PGR: variants seen among roughly 807,000 people sequenced by gnomAD.
The protein encoded by PGR is progesterone receptor.
Under a neutral mutation model 76.1 loss-of-function variants are expected in PGR, and 25 were observed. The ratio of observed to expected loss-of-function variants is 0.33; its 90% CI spans 0.24 to 0.46. The LOEUF is 0.46. PGR is among the 20% of genes least tolerant of loss of function. The pLI is 1.00. For synonymous variants in PGR, 579 were observed against 535.0 expected, an observed-to-expected ratio of 1.08 and a Z score of -1.14; for missense variants, 1,172 against 1,225.3, an observed-to-expected ratio of 0.96 and a Z score of 0.65.
chr11:101,104,544 C>T (rs1336396267), intron 2 of PGR, among the ~76,000 whole-genome samples: 1 of 152,192 alleles, frequency 6.6e-6, no homozygotes. Context: ...ACCAATTTCT[C>T]TTCATTCCGA....
chr11:101,095,494 T>C (rs935545710), intron 2 of PGR, among the ~76,000 whole-genome samples: 14 of 152,238 alleles, frequency 9.2e-5, no homozygotes, highest in African/African-American at 3.1e-4. Context: ...AAGCAACCTT[T>C]GGAGGTATTA....
At position 101,031,927 on chromosome 11, in the gene PGR, T is replaced by G. The variant is rs1053970796; in HGVS notation, c.*7189A>C. The G allele has an allele frequency of 4.3e-6, 1 of 231,454 alleles. No homozygotes were observed. Among genetic ancestry groups the G allele is most frequent in the Non-Finnish European group, 8.5e-6 (1 of 117,000 alleles). The allele number at this position is 231,454 out of a possible 1,614,324, so 14.3% of individuals were successfully genotyped here. ...CTTTCTCATTTTCTGAAACTTGAAC[T>G]GCTCTAGTCTTACCCGTGTGTATAG... On this transcript the variant is annotated 3_prime_UTR_variant, in exon 8 of 8. Coordinates refer to ENST00000325455, the MANE Select transcript of PGR (RefSeq NM_000926.4).
intron 4 of PGR, among the ~76,000 whole-genome samples, chr11:101,056,677 G>C (rs1177091867): frequency 6.7e-6 from 1 of 149,004 alleles, no homozygotes; most frequent in African/African-American, 2.5e-5. Flanking sequence ...CTGTATGACA[G>C]TACTACTAAG....
At chr11:101,116,893 T>G (rs1862531582) in intron 2 of PGR, among the ~76,000 whole-genome samples, 1 of 152,166 alleles carries the variant, frequency 6.6e-6, no homozygotes, top group Non-Finnish European at 1.5e-5. Flanking sequence ...ATGATATTGT[T>G]CCTTGCTTTT....
At chr11:101,097,644 C>T (rs745314641) in intron 2 of PGR, among the ~76,000 whole-genome samples, 8 of 152,106 alleles carry the variant, frequency 5.3e-5, no homozygotes, top group Non-Finnish European at 1.2e-4. Context: ...TAAATAGTCA[C>T]TTGCTTCTGA....
intron 7 of PGR, among the ~76,000 whole-genome samples, chr11:101,041,093 A>T (rs1018866247): frequency 3.7e-5 from 5 of 134,584 alleles, no homozygotes; most frequent in Admixed American, 2.3e-4. Context: ...TATCATTCTT[A>T]TTTCTCTGAG....
At chr11:101,102,470 C>A (rs868226266) in intron 2 of PGR, among the ~76,000 whole-genome samples, 2 of 152,120 alleles carry the variant, frequency 1.3e-5, no homozygotes, top group South Asian at 4.1e-4. Context: ...TCTGAAGATG[C>A]ATGCAGAATG....
At chr11:101,122,147 C>T (rs1160493196) in intron 2 of PGR, among the ~76,000 whole-genome samples, 15 of 82,768 alleles carry the variant, frequency 1.8e-4, no homozygotes, top group Non-Finnish European at 3.3e-4. Flanking sequence ...AGCGAGACTC[C>T]GTCTCAAAAA....
At chr11:101,097,928 C>T (rs1179261406) in intron 2 of PGR, among the ~76,000 whole-genome samples, 1 of 151,976 alleles carries the variant, frequency 6.6e-6, no homozygotes, top group Non-Finnish European at 1.5e-5. Context: ...AGGCGCCCAC[C>T]ACCACGTCTG....
At chr11:101,057,550 A>T (rs1484083598) in intron 4 of PGR, among the ~76,000 whole-genome samples, 1 of 152,188 alleles carries the variant, frequency 6.6e-6, no homozygotes, top group Non-Finnish European at 1.5e-5. Flanking sequence ...ATAGAGGATC[A>T]TTTGGGCACC....
chr11:101,114,791 C>T (rs932050785), intron 2 of PGR, among the ~76,000 whole-genome samples: 3 of 152,118 alleles, frequency 2.0e-5, no homozygotes, highest in Non-Finnish European at 4.4e-5. Context: ...GTCCTTAGTG[C>T]ACCATCCCCA....
intron 3 of PGR, among the ~76,000 whole-genome samples, chr11:101,083,139 G>C (rs1861364752): frequency 6.6e-6 from 1 of 152,210 alleles, no homozygotes; most frequent in Non-Finnish European, 1.5e-5. Context: ...GCTAAAAGGG[G>C]CCAAGGTACA....
Position 101,054,448 on chromosome 11 carries a change from A to G in PGR, c.2213-2880T>C, listed in dbSNP as rs147360631. On this transcript the variant is annotated intron_variant, in intron 4 of 7. Transcript: ENST00000325455. ...AGAAAATTATAAAGCTCAATACAAT[A>G]AATCTAATACATAAATGCTGCTTGT... is the stretch of plus-strand genomic sequence containing the variant. Among the ~76,000 whole-genome samples, 940 of 152,324 alleles carry G rather than the reference A, an allele frequency of 6.2e-3. 12 individuals carry two copies. The highest frequency in any genetic ancestry group is 0.021 in the African/African-American group (887 of 41,584).
chr11:101,058,631 A>G (rs1417323096), intron 4 of PGR, among the ~76,000 whole-genome samples: 1 of 152,252 alleles, frequency 6.6e-6, no homozygotes, highest in Non-Finnish European at 1.5e-5. Context: ...AAATATCAAG[A>G]CAAAATTTAT....
intron 4 of PGR, among the ~76,000 whole-genome samples, chr11:101,059,842 CAAAAAA>C (rs781123527): frequency 8.0e-5 from 5 of 62,808 alleles, no homozygotes; most frequent in Non-Finnish European, 1.6e-4. Context: ...GACCCTCTCT[CAAAAAA>C]AAAAAAAAAA....
At chr11:101,066,494 G>C (rs1231268018) in intron 3 of PGR, among the ~76,000 whole-genome samples, 5 of 152,076 alleles carry the variant, frequency 3.3e-5, no homozygotes, top group Admixed American at 3.3e-4. Context: ...TCTGCATCTA[G>C]TTCTATGTCT....
intron 4 of PGR, among the ~76,000 whole-genome samples, chr11:101,054,849 C>G (rs997609678): frequency 6.6e-6 from 1 of 152,018 alleles, no homozygotes; most frequent in African/African-American, 2.4e-5. Context: ...ATTGGTCTAT[C>G]AATGCAACAG....
chr11:101,128,112 G>T lies in PGR; in HGVS notation c.959C>A (p.Thr320Asn), dbSNP rs774235489. The change falls in exon 1 of 8, where the codon ACT (threonine) becomes AAT (asparagine). Residue 320 changes from threonine to asparagine, a missense_variant. By Grantham distance (65) the Thr-to-Asn change is moderately conservative (BLOSUM62 0). This residue lies in a region of PGR where 893 missense variants were observed against 785.9 expected (regional missense o/e 1.14). Transcript: ENST00000325455. ...PLNHALLAAR[T>N]RQLLEDESYD... ...ACTTTCGTCTTCCAGCAGCTGCCGA[G>T]TGCGGGCTGCCAATAAGGCGTGATT... The T allele has an allele frequency of 3.8e-6, 6 of 1,598,796 alleles. No individual in the cohort carries two copies. The highest frequency in any genetic ancestry group is 5.1e-6 in the Non-Finnish European group (6 of 1,179,688).
intron 1 of PGR, 43 bp from the exon 2 acceptor site, chr11:101,126,201 C>T (rs1565371457): frequency 1.3e-6 from 2 of 1,591,502 alleles, no homozygotes; most frequent in East Asian, 2.2e-5. Context: ...TTTAAGTGCA[C>T]CACTATCTAA....
Sources: gnomAD v4.1 joint callset for allele counts (sites outside exome capture counted in the v4.1 genomes callset) on GRCh38, gnomAD v4.1.1 for gene constraint, gnomAD v4.1.1 regional missense constraint, MANE v1.5 for transcripts, NCBI Gene and HGNC (gene_info 2026-07-23, HGNC 2026-07-21) for gene names.